The following ENPP2 variants were observed in gnomAD, a reference collection of about 807,000 sequenced individuals.
ENPP2 encodes autotaxin.
ENPP2 carries 51 observed loss-of-function variants against 120.2 expected under a neutral mutation model. That is an observed-to-expected ratio of 0.42 (90% confidence interval 0.34 to 0.54). The LOEUF is 0.54. Ranked by LOEUF, ENPP2 falls within the 20% of genes least tolerant of loss-of-function variation. The pLI is 0.04. For synonymous variants in ENPP2, 365 were observed against 366.4 expected, an observed-to-expected ratio of 1.00 and a Z score of 0.04; for missense variants, 920 against 1,066.5, an observed-to-expected ratio of 0.86 and a Z score of 1.91.
Position 119,562,903 on chromosome 8 carries a change from G to T in ENPP2, c.2375C>A (p.Ser792Tyr), listed in dbSNP as rs759533428. ...ADKCDGPLSV[S>Y]SFILPHRPDN... ...AGGCCGGTGAGGCAGGATGAAGGAG[G>T]ACACAGAGAGAGGGCCGTCACACTT... The change falls in exon 24 of 25, where the codon TCC becomes TAC. Residue 792 changes from serine to tyrosine, a missense_variant. Coordinates refer to ENST00000075322, the MANE Select transcript of ENPP2 (RefSeq NM_001040092.3). 3.6e-5 allele frequency: 58 copies of T among 1,614,054 alleles called. No individual in the cohort carries two copies. The Middle Eastern group carries it at 1.2e-3, about 32-fold the overall frequency.
intron 1 of ENPP2, among the ~76,000 whole-genome samples, chr8:119,654,592 G>T (rs72688239): frequency 6.6e-6 from 1 of 150,988 alleles, no homozygotes. Flanking sequence ...CAATGTTCCC[G>T]CCTCAGCCCC....
intron 1 of ENPP2, among the ~76,000 whole-genome samples, chr8:119,644,625 T>TATATATATATATATATATAC (rs1327738777): frequency 1.3e-5 from 1 of 74,288 alleles, no homozygotes; most frequent in Non-Finnish European, 2.5e-5. Flanking sequence ...TATATATATA[T>TATATATATATATATATATAC]ACACACACAC....
intron 1 of ENPP2, among the ~76,000 whole-genome samples, chr8:119,665,919 T>A (rs1818055541): frequency 6.6e-6 from 1 of 152,206 alleles, no homozygotes; most frequent in South Asian, 2.1e-4. Context: ...TAGCTCTTTT[T>A]GCAACATCAA....
upstream of ENPP2, among the ~76,000 whole-genome samples, chr8:119,641,865 G>C (rs1426062691): frequency 2.0e-5 from 3 of 152,208 alleles, no homozygotes; most frequent in African/African-American, 7.2e-5. Flanking sequence ...AGACGTGATT[G>C]ACTGGCTTCA....
At chr8:119,647,737 G>T (rs920633677) in intron 1 of ENPP2, among the ~76,000 whole-genome samples, 1 of 152,204 alleles carries the variant, frequency 6.6e-6, no homozygotes, top group African/African-American at 2.4e-5. Flanking sequence ...GGGCGCAGTG[G>T]CTCACACCTG....
chr8:119,633,205 C>G (rs1293834179), intron 2 of ENPP2, among the ~76,000 whole-genome samples: 1 of 152,194 alleles, frequency 6.6e-6, no homozygotes, highest in African/African-American at 2.4e-5. Context: ...AATCATATTT[C>G]CCTCTAAATG....
rs143488703 is a variant in ENPP2, at chr8:119,570,836, G to A, written c.1786C>T (p.His596Tyr). 321 of 1,543,120 alleles carry A rather than the reference G, an allele frequency of 2.1e-4. 1 individual carries two copies. In the African/African-American group the frequency reaches 4.3e-3, roughly 20 times the overall value. ...LHTKGSTEER[H>Y]LLYGRPAVLY... ...ACTGCAGGTCGCCCATAGAGGAGGT[G>A]TCTCTCTAAAAAAGAAAAAAAATAA... is the stretch of plus-strand genomic sequence containing the variant. Residue 596 changes from histidine (H) to tyrosine (Y), a missense_variant, in exon 20 of 25, where the codon CAC becomes TAC. Transcript: ENST00000075322.
intron 24 of ENPP2, among the ~76,000 whole-genome samples, chr8:119,561,208 G>A (rs1441742278): frequency 6.6e-6 from 1 of 151,982 alleles, no homozygotes. Flanking sequence ...ACCCATAATT[G>A]AAGTCAACAG....
intron 1 of ENPP2, among the ~76,000 whole-genome samples, chr8:119,671,872 T>C (rs1818259758): frequency 6.6e-6 from 1 of 152,022 alleles, no homozygotes. Flanking sequence ...GTGAAGCCCT[T>C]TAAGTATTAA....
chr8:119,586,445 T>TCAC, intron 14 of ENPP2, 132 bp from the exon 15 acceptor site: 1 of 717,980 alleles, frequency 1.4e-6, no homozygotes, highest in Non-Finnish European at 2.3e-6. Flanking sequence ...TGAAATTTAT[T>TCAC]TCTATTAAAT....
intron 23 of ENPP2, 36 bp from the exon 24 acceptor site, chr8:119,563,049 G>A: frequency 6.3e-7 from 1 of 1,589,858 alleles, no homozygotes; most frequent in Non-Finnish European, 8.6e-7. Context: ...CACAGTTGAT[G>A]AGTTGATGTT....
At position 119,587,539 on chromosome 8, in the gene ENPP2, A is replaced by AT. The variant is rs1311390049; in HGVS notation, c.1208-465dup. ...GTTGAAACTTCTAATCCATTGAGTT[A>AT]TTTTTTTAAAAGGGAGTTTGTTTCC... is the stretch of plus-strand genomic sequence containing the variant. On this transcript the variant is annotated intron_variant, in intron 13 of 24. Coordinates refer to ENST00000075322, the MANE Select transcript of ENPP2 (RefSeq NM_001040092.3). Among the ~76,000 whole-genome samples the AT allele has an allele frequency of 3.3e-5, 5 of 152,220 alleles. 1 individual carries two copies. Among genetic ancestry groups the AT allele is most frequent in the African/African-American group, 1.2e-4 (5 of 41,534 alleles).
chr8:119,638,545 C>A lies in ENPP2; in HGVS notation c.34-18G>T. ...GATATTATCTAAGAGAATAAAGAGA[C>A]CAAGTTGTCAAATACAGCTGGAGAA... On this transcript the variant is annotated intron_variant, in intron 1 of 24. Transcript: ENST00000075322. 1 of 1,441,912 alleles carries A rather than the reference C, an allele frequency of 6.9e-7. No individual in the cohort carries two copies. The highest frequency in any genetic ancestry group is 9.8e-7 in the Non-Finnish European group (1 of 1,022,994). The allele number at this position is 1,441,912 out of a possible 1,614,324, so 89.3% of individuals were successfully genotyped here. A position where few individuals can be genotyped will look rare whatever the true frequency, so the allele number is the denominator to read the frequency against.
Position 119,661,314 on chromosome 8 carries a change from C to T in ENPP2, c.21+11938G>A, listed in dbSNP as rs1009182583. Among the ~76,000 whole-genome samples the T allele has an allele frequency of 2.6e-5, 4 of 152,032 alleles. No homozygotes were observed. The South Asian group carries it at 8.3e-4, about 32-fold the overall frequency. Reference sequence around the variant, plus strand: ...AAACCTGCACGTTCAGCACAGATATCCCAGAACTTAAAGTAAAATAAAAAA... The same window carrying T: ...AAACCTGCACGTTCAGCACAGATATTCCAGAACTTAAAGTAAAATAAAAAA... On this transcript the variant is annotated intron_variant, in intron 1 of 25. Transcript: ENST00000427067.
chr8:119,664,218 A>T (rs1158879280), intron 1 of ENPP2, among the ~76,000 whole-genome samples: 1 of 151,932 alleles, frequency 6.6e-6, no homozygotes, highest in African/African-American at 2.4e-5. Context: ...GAGAAGGAAG[A>T]TGATATTTGA....
At chr8:119,581,549 G>A (rs1017857295) in intron 18 of ENPP2, among the ~76,000 whole-genome samples, 4 of 152,018 alleles carry the variant, frequency 2.6e-5, no homozygotes, top group South Asian at 2.1e-4. Flanking sequence ...TGCACTCATC[G>A]GCCAAATACA....
chr8:119,619,181 A>G (rs1815701519), intron 5 of ENPP2, 63 bp downstream of exon 5: 1 of 1,184,146 alleles, frequency 8.4e-7, no homozygotes, highest in African/African-American at 1.5e-5. Flanking sequence ...TTCTCTTTTC[A>G]TTTCCTGTGA....
At chr8:119,578,115 A>G (rs1279212282) in intron 19 of ENPP2, among the ~76,000 whole-genome samples, 1 of 152,114 alleles carries the variant, frequency 6.6e-6, no homozygotes, top group Non-Finnish European at 1.5e-5. Flanking sequence ...CAGTGGTGCG[A>G]TCTCAGCTCA....
intron 1 of ENPP2, among the ~76,000 whole-genome samples, chr8:119,650,160 A>C (rs1041689490): frequency 6.6e-6 from 1 of 152,222 alleles, no homozygotes; most frequent in African/African-American, 2.4e-5. Flanking sequence ...CAGCAATAAA[A>C]AGGAATGAAG....
Sources: gnomAD v4.1 joint callset for allele counts (sites outside exome capture counted in the v4.1 genomes callset) on GRCh38, gnomAD v4.1.1 for gene constraint, MANE v1.5 for transcripts, NCBI Gene and HGNC (gene_info 2026-07-23, HGNC 2026-07-21) for gene names.